Variants in PHIP observed in about 807,000 individuals in gnomAD.
PHIP encodes PH-interacting protein.
Under a neutral mutation model 236.8 loss-of-function variants are expected in PHIP, and 54 were observed. That is an observed-to-expected ratio of 0.23 (90% CI 0.18 to 0.29). PHIP has a LOEUF of 0.29. Among genes scored for constraint, PHIP ranks in the 10% least tolerant of loss-of-function variants. The pLI is 1.00. For missense variants in PHIP, 1,370 were observed against 2,190.8 expected (o/e 0.63, Z 7.48); for synonymous variants, 756 against 718.9 (o/e 1.05, Z -0.83).
intron 27 of PHIP, among the ~76,000 whole-genome samples, chr6:78,967,370 T>C (rs1182517994): frequency 2.0e-5 from 3 of 152,194 alleles, no homozygotes; most frequent in Non-Finnish European, 4.4e-5. Flanking sequence ...CAAAGAGCTG[T>C]ATCTTATGAC....
intron 4 of PHIP, among the ~76,000 whole-genome samples, chr6:79,077,090 C>T (rs897914442): frequency 1.3e-5 from 2 of 152,084 alleles, no homozygotes; most frequent in African/African-American, 4.8e-5. Flanking sequence ...GCGCGCTCTC[C>T]CTCTTCGCGC....
Position 79,060,414 on chromosome 6 carries a change from C to T in PHIP, c.439+64G>A, listed in dbSNP as rs991182848. The stretch of plus-strand genomic sequence containing the variant: ...TCTAATACCACAGTAACTAAAAAAC[C>T]TTTTCATTTTCAAAAGCTCTTTACC... On this transcript the variant is annotated intron_variant, in intron 6 of 39. Transcript: ENST00000275034. The T allele has an allele frequency of 2.2e-5, 24 of 1,114,482 alleles. No individual in the cohort carries two copies. The African/African-American group carries it at 3.0e-4, about 14-fold the overall frequency. The allele number at this position is 1,114,482 out of a possible 1,614,324, so 69.0% of individuals were successfully genotyped here. A position where few individuals can be genotyped will look rare whatever the true frequency, so the allele number is the denominator to read the frequency against.
intron 6 of PHIP, among the ~76,000 whole-genome samples, chr6:79,057,620 T>C (rs1268345792): frequency 6.6e-6 from 1 of 152,006 alleles, no homozygotes; most frequent in Non-Finnish European, 1.5e-5. Flanking sequence ...AGCTAAAATA[T>C]CAAGAATTTT....
chr6:79,000,624 G>A (rs1353424472), intron 17 of PHIP, among the ~76,000 whole-genome samples: 1 of 151,914 alleles, frequency 6.6e-6, no homozygotes, highest in African/African-American at 2.4e-5. Context: ...TGAGGCTTGG[G>A]AACAATCTGA....
intron 32 of PHIP, chr6:78,957,899 G>A (rs1345383511): frequency 1.3e-5 from 2 of 151,996 alleles, no homozygotes; most frequent in East Asian, 1.9e-4. Context: ...TGACTTTGAA[G>A]AAGAATCATG....
chr6:79,074,930 G>C (rs751767736), intron 4 of PHIP, among the ~76,000 whole-genome samples: 1 of 152,010 alleles, frequency 6.6e-6, no homozygotes, highest in Non-Finnish European at 1.5e-5. Flanking sequence ...ATTTCAATGC[G>C]ATGTGATATA....
chr6:78,955,031 T>A, intron 34 of PHIP, 68 bp from the exon 35 acceptor site: 1 of 1,098,396 alleles, frequency 9.1e-7, no homozygotes, highest in Non-Finnish European at 1.3e-6. Flanking sequence ...ACTTTTAATG[T>A]AGTCTTAGAT....
rs747312156 is a variant in PHIP, at chr6:78,945,338, G to A, written c.4790C>T (p.Ala1597Val). 50 of 1,613,436 alleles carry A rather than the reference G, an allele frequency of 3.1e-5. No homozygotes were observed. Among genetic ancestry groups the A allele is most frequent in the African/African-American group, 4.0e-5 (3 of 74,904 alleles). ...AGCTGATGACTTTGAAAGAGTGGAC[G>A]CCTTTGGGAGTACAGATGACTTCAT... Reference protein sequence around the residue: ...RKMKSSVLPKASTLSKSSAVI... With the variant: ...RKMKSSVLPKVSTLSKSSAVI... Residue 1597 changes from alanine to valine, a missense_variant, in exon 39 of 40, where the codon GCG becomes GTG. Coordinates refer to ENST00000275034, the MANE Select transcript of PHIP (RefSeq NM_017934.7).
intron 4 of PHIP, among the ~76,000 whole-genome samples, chr6:79,076,600 G>GT (rs1460779661): frequency 6.6e-6 from 1 of 152,092 alleles, no homozygotes; most frequent in Admixed American, 6.5e-5. Context: ...CAAAATTAAG[G>GT]TTTTTAAGCT....
chr6:78,958,644 G>C, intron 31 of PHIP, 44 bp from the exon 32 acceptor site: 2 of 1,172,508 alleles, frequency 1.7e-6, no homozygotes, highest in Admixed American at 1.9e-5. Context: ...CTTATATTTA[G>C]AAATATGTGT....
intron 15 of PHIP, among the ~76,000 whole-genome samples, chr6:79,012,563 G>A (rs1770641530): frequency 6.6e-6 from 1 of 151,622 alleles, no homozygotes; most frequent in African/African-American, 2.4e-5. Flanking sequence ...AACTGAACTT[G>A]TGATTACTAC....
Position 78,935,606 on chromosome 6 carries a change from C to G in PHIP, c.*5087G>C. 3 of 977,372 alleles carry G rather than the reference C, an allele frequency of 3.1e-6. No individual in the cohort carries two copies. Among genetic ancestry groups the G allele is most frequent in the Non-Finnish European group, 3.6e-6 (3 of 822,626 alleles). 60.5% of individuals were successfully genotyped at this position (977,372 alleles called of 1,614,324 possible). On this transcript the variant is annotated 3_prime_UTR_variant, in exon 40 of 40. Coordinates refer to ENST00000275034, the MANE Select transcript of PHIP (RefSeq NM_017934.7). ...ATAAAATTGTTTTATTAAATGTACA[C>G]ATAAAAAGGCATATAAGTTTTTGAC...
intron 4 of PHIP, among the ~76,000 whole-genome samples, chr6:79,075,142 CTTAGATA>C (rs950481333): frequency 9.2e-5 from 14 of 152,008 alleles, no homozygotes; most frequent in African/African-American, 3.4e-4. Flanking sequence ...CATGTGCTGA[CTTAGATA>C]TTAAACAGCG....
At chr6:79,077,153 C>G (rs977665534) in intron 4 of PHIP, among the ~76,000 whole-genome samples, 8 of 151,892 alleles carry the variant, frequency 5.3e-5, no homozygotes, top group Admixed American at 5.2e-4. Flanking sequence ...CGGACGCGCG[C>G]GCCGGCCCCT....
chr6:79,060,531 T>G lies in PHIP; in HGVS notation c.386A>C (p.His129Pro), dbSNP rs1349071351. ...VWKGSALAAL[H>P]CGRPPESPVN... is the part of the protein sequence containing the mutation. ...TGGTGACTCAGGTGGTCTTCCACAG[T>G]GCAACGCAGCCAGAGCAGATCCTTT... Residue 129 changes from histidine (H) to proline (P), a missense_variant, in exon 6 of 40, where the codon CAC becomes CCC. By Grantham distance (77) the His-to-Pro change is moderately conservative. Transcript: ENST00000275034. 6.2e-7 allele frequency: 1 copy of G among 1,613,920 alleles called. No homozygotes were observed.
At chr6:79,038,507 T>C (rs1286397834) in intron 7 of PHIP, among the ~76,000 whole-genome samples, 1 of 152,194 alleles carries the variant, frequency 6.6e-6, no homozygotes, top group Non-Finnish European at 1.5e-5. Context: ...TCAATTACCT[T>C]GACAAACCCA....
intron 31 of PHIP, among the ~76,000 whole-genome samples, chr6:78,960,550 G>A (rs1310264768): frequency 6.6e-6 from 1 of 151,634 alleles, no homozygotes; most frequent in Non-Finnish European, 1.5e-5. Flanking sequence ...ATAGCAGGGA[G>A]GACTTCTCCT....
At chr6:79,035,885 A>G (rs1400580631) in intron 7 of PHIP, among the ~76,000 whole-genome samples, 1 of 152,106 alleles carries the variant, frequency 6.6e-6, no homozygotes, top group Non-Finnish European at 1.5e-5. Flanking sequence ...AAATCAACCT[A>G]AACCTCAGGG....
chr6:78,956,584 T>C (rs1329624890), intron 32 of PHIP: 3 of 152,120 alleles, frequency 2.0e-5, no homozygotes, highest in Admixed American at 6.5e-5. Context: ...CCACCCACGA[T>C]GTGGCCCCAA....
Sources: gnomAD v4.1 joint callset for allele counts (sites outside exome capture counted in the v4.1 genomes callset) on GRCh38, gnomAD v4.1.1 for gene constraint, MANE v1.5 for transcripts, NCBI Gene and HGNC (gene_info 2026-07-23, HGNC 2026-07-21) for gene names.